The following PARD3B variants were observed in gnomAD, a reference collection of about 807,000 sequenced individuals.
PARD3B encodes partitioning defective 3 homolog B.
Under a neutral mutation model 130.2 loss-of-function variants are expected in PARD3B, and 103 were observed. The ratio of observed to expected loss-of-function variants is 0.79; its 90% CI spans 0.67 to 0.93. The LOEUF is 0.93. Among genes scored for constraint, PARD3B ranks in the 40% least tolerant of loss-of-function variants. The pLI, the probability that PARD3B is intolerant of heterozygous loss-of-function variation, is 0.00. For synonymous variants in PARD3B, 583 were observed against 553.2 expected (o/e 1.05, Z -0.76); for missense variants, 1,609 against 1,499.2 (o/e 1.07, Z -1.21).
chr2:204,603,017 A>G (rs549055652), intron 1 of PARD3B, among the ~76,000 whole-genome samples: 24 of 152,210 alleles, frequency 1.6e-4, no homozygotes, highest in Non-Finnish European at 8.8e-5. Context: ...TAGAAAAACA[A>G]TTCACAAGAC....
At chr2:205,092,412 C>A (rs1702161289) in intron 4 of PARD3B, among the ~76,000 whole-genome samples, 2 of 152,014 alleles carry the variant, frequency 1.3e-5, no homozygotes, top group Admixed American at 6.6e-5. Context: ...AGTTTATTGT[C>A]ATTTACATCA....
chr2:204,811,244 TGGAGTTC>T (rs2042951235), intron 2 of PARD3B, among the ~76,000 whole-genome samples: 1 of 152,134 alleles, frequency 6.6e-6, no homozygotes, highest in Admixed American at 6.6e-5. Context: ...AATTTTTTCA[TGGAGTTC>T]TACCTGTGTC....
chr2:205,304,218 T>G (rs2042109903), intron 18 of PARD3B, among the ~76,000 whole-genome samples: 1 of 152,166 alleles, frequency 6.6e-6, no homozygotes, highest in African/African-American at 2.4e-5. Flanking sequence ...TTCCTCATGC[T>G]CAAAATCTTG....
chr2:205,401,129 C>T lies in PARD3B; in HGVS notation c.2741+6C>T, dbSNP rs761460500. The T allele has an allele frequency of 1.8e-5, 28 of 1,575,998 alleles. No individual in the cohort carries two copies. In the South Asian group the frequency reaches 3.0e-4, roughly 17 times the overall value. On this transcript the variant is annotated splice_donor_region_variant and intron_variant, in intron 19 of 22. Coordinates refer to ENST00000406610, the MANE Select transcript of PARD3B (RefSeq NM_001302769.2). ...ATGAAAGAAGAGCGTGAAAGGTGAG[C>T]AGAAGTGCCGAGACCTTCATTTTCT...
At position 205,407,230 on chromosome 2, in the gene PARD3B, A is replaced by G. The variant is rs1398056; in HGVS notation, c.2741+6107A>G. Among the ~76,000 whole-genome samples, 7,988 of 152,234 alleles carry G rather than the reference A, an allele frequency of 0.052. 267 individuals carry two copies. The highest frequency in any genetic ancestry group is 0.075 in the Middle Eastern group (22 of 294). On this transcript the variant is annotated intron_variant, in intron 19 of 22. Coordinates refer to ENST00000406610, the MANE Select transcript of PARD3B (RefSeq NM_001302769.2). The surrounding 1 kb of genome is among the most constrained non-coding windows in gnomAD (Gnocchi z 4.1). ...TCTCAAGTAAGAGATTTCTCAGCTT[A>G]TGATGTGTCACCTCCTGTTACAAGT...
chr2:205,275,837 C>CAA (rs59238795), intron 16 of PARD3B, among the ~76,000 whole-genome samples: 1,181 of 59,310 alleles, frequency 0.02, 24 homozygotes, highest in African/African-American at 0.035. Flanking sequence ...AACTTTGTCT[C>CAA]AAAAAAAAAA....
At chr2:205,062,942 A>C in intron 4 of PARD3B, among the ~76,000 whole-genome samples, 1 of 152,066 alleles carries the variant, frequency 6.6e-6, no homozygotes, top group East Asian at 1.9e-4. Flanking sequence ...CATCCTTCCA[A>C]GTCAGCTTCT....
At chr2:205,385,032 A>G (rs1218522786) in intron 18 of PARD3B, among the ~76,000 whole-genome samples, 1 of 151,732 alleles carries the variant, frequency 6.6e-6, no homozygotes, top group East Asian at 1.9e-4. Context: ...AGGTATTTGA[A>G]AAATACTTCC....
At chr2:205,107,835 T>G (rs1181556852) in intron 5 of PARD3B, among the ~76,000 whole-genome samples, 1 of 152,212 alleles carries the variant, frequency 6.6e-6, no homozygotes, top group East Asian at 1.9e-4. Context: ...AAAAAGACAA[T>G]GAAGCAAGAG....
At chr2:205,167,464 A>G (rs553148214) in intron 11 of PARD3B, among the ~76,000 whole-genome samples, 1 of 152,278 alleles carries the variant, frequency 6.6e-6, no homozygotes, top group African/African-American at 2.4e-5. Flanking sequence ...AGATTGTTTG[A>G]AAACATGGGC....
At chr2:205,008,525 G>A (rs971250417) in intron 3 of PARD3B, among the ~76,000 whole-genome samples, 2 of 151,974 alleles carry the variant, frequency 1.3e-5, no homozygotes, top group African/African-American at 2.4e-5. Context: ...ATGTATTTTA[G>A]CCCAGTTCTT....
chr2:204,973,017 C>G (rs1691840076), intron 3 of PARD3B, among the ~76,000 whole-genome samples: 1 of 152,120 alleles, frequency 6.6e-6, no homozygotes, highest in Admixed American at 6.5e-5. Flanking sequence ...GCAGTTTGTC[C>G]TTTTAATAAA....
chr2:205,529,685 G>A (rs1392647905), intron 21 of PARD3B, among the ~76,000 whole-genome samples: 2 of 152,074 alleles, frequency 1.3e-5, no homozygotes, highest in African/African-American at 2.4e-5. Context: ...CATGCCATTA[G>A]GTAGAAATGA....
intron 3 of PARD3B, among the ~76,000 whole-genome samples, chr2:205,035,333 G>A (rs2125373697): frequency 6.6e-6 from 1 of 152,276 alleles, no homozygotes; most frequent in South Asian, 2.1e-4. Flanking sequence ...CTATGAAACT[G>A]CTACAGGTTT....
Position 204,900,812 on chromosome 2 carries a change from T to G in PARD3B, c.223-64340T>G, listed in dbSNP as rs575477630. On this transcript the variant is annotated intron_variant, in intron 2 of 22. Transcript: ENST00000406610. ...GGGACTTAGATGTTGTAATCTAAGT[T>G]TTTGGTCACTGCAGCCACATCTGCA... Among the ~76,000 whole-genome samples, 15 of 152,280 alleles carry G rather than the reference T, an allele frequency of 9.9e-5. No individual in the cohort carries two copies. In the South Asian group the frequency reaches 3.1e-3, roughly 32 times the overall value.
intron 4 of PARD3B, chr2:205,103,843 G>A: frequency 1.6e-6 from 1 of 615,866 alleles, no homozygotes; most frequent in Non-Finnish European, 2.0e-6. Flanking sequence ...TCTGTAGTGG[G>A]AGCCTGTTTA....
intron 1 of PARD3B, among the ~76,000 whole-genome samples, chr2:204,665,648 C>T (rs1188638274): frequency 6.6e-6 from 1 of 152,158 alleles, no homozygotes; most frequent in African/African-American, 2.4e-5. Context: ...GTCTCAATTT[C>T]CTCATCTGTA....
At chr2:205,594,500 G>T (rs1306079881) in intron 22 of PARD3B, among the ~76,000 whole-genome samples, 2 of 152,078 alleles carry the variant, frequency 1.3e-5, no homozygotes, top group Non-Finnish European at 2.9e-5. Context: ...GGGACCATGT[G>T]AATAAACCCA....
At chr2:204,882,231 G>C (rs2046082833) in intron 2 of PARD3B, among the ~76,000 whole-genome samples, 1 of 152,134 alleles carries the variant, frequency 6.6e-6, no homozygotes, top group South Asian at 2.1e-4. Flanking sequence ...CCATTTCTCT[G>C]TTTCCCAGAA....
Sources: allele counts gnomAD v4.1 joint callset (sites outside exome capture counted in the v4.1 genomes callset), GRCh38; gene constraint gnomAD v4.1.1; non-coding constraint Gnocchi (gnomAD v3.1); transcripts MANE v1.5; gene names NCBI Gene and HGNC (gene_info 2026-07-23, HGNC 2026-07-21).